The following CRTC1 variants were observed in gnomAD, a reference collection of about 807,000 sequenced individuals.
CRTC1 encodes the protein CREB regulated transcription coactivator 1.
A neutral mutation model predicts 66.1 loss-of-function variants in CRTC1; 18 were observed. That is an observed-to-expected ratio of 0.27 (90% confidence interval 0.19 to 0.40). The LOEUF is 0.40. CRTC1 is among the 10% of genes least tolerant of loss of function. The pLI is 1.00. For synonymous variants in CRTC1, 416 were observed against 398.8 expected (o/e 1.04, Z -0.51); for missense variants, 669 against 887.9 (o/e 0.75, Z 3.13).
intron 6 of CRTC1, among the ~76,000 whole-genome samples, chr19:18,757,225 C>T (rs1401348063): frequency 6.6e-6 from 1 of 152,132 alleles, no homozygotes; most frequent in Non-Finnish European, 1.5e-5. Flanking sequence ...TCTGGTCATG[C>T]CTGCCAAGAG....
chr19:18,699,123 C>T (rs1157710547), intron 1 of CRTC1, among the ~76,000 whole-genome samples: 2 of 152,208 alleles, frequency 1.3e-5, no homozygotes, highest in South Asian at 2.1e-4. Context: ...TCAGCAGGCT[C>T]TGGAATCTGA....
At chr19:18,740,379 C>T (rs961329002) in intron 1 of CRTC1, among the ~76,000 whole-genome samples, 21 of 152,274 alleles carry the variant, frequency 1.4e-4, no homozygotes, top group African/African-American at 3.9e-4. Flanking sequence ...CACTGCCAGC[C>T]GCAGAAGCTC....
intron 5 of CRTC1, among the ~76,000 whole-genome samples, chr19:18,752,173 G>T (rs1017310609): frequency 4.0e-5 from 6 of 150,244 alleles, no homozygotes; most frequent in Non-Finnish European, 7.4e-5. Flanking sequence ...AAGAAAGAAA[G>T]AAAAATATAC....
At chr19:18,701,818 A>C (rs1382661681) in intron 1 of CRTC1, among the ~76,000 whole-genome samples, 1 of 150,690 alleles carries the variant, frequency 6.6e-6, no homozygotes, top group Non-Finnish European at 1.5e-5. Context: ...GGGTTTCACC[A>C]TGTTGGTCGG....
intron 1 of CRTC1, among the ~76,000 whole-genome samples, chr19:18,690,452 C>T (rs1427921772): frequency 1.3e-5 from 2 of 152,120 alleles, no homozygotes; most frequent in East Asian, 3.9e-4. Context: ...CTGAGCTGCT[C>T]CCTGAACAAA....
At chr19:18,766,836 C>T (rs193214542) in intron 9 of CRTC1, among the ~76,000 whole-genome samples, 7 of 152,302 alleles carry the variant, frequency 4.6e-5, no homozygotes, top group Admixed American at 4.6e-4. Context: ...CTCTTTTTTA[C>T]CTAATCAATG....
chr19:18,773,569 T>A (rs1333298319), intron 11 of CRTC1, among the ~76,000 whole-genome samples: 1 of 151,988 alleles, frequency 6.6e-6, no homozygotes, highest in Non-Finnish European at 1.5e-5. Context: ...TCAGACCAGC[T>A]CTACGACAGC....
At chr19:18,755,543 C>G (rs2054464409) in intron 6 of CRTC1, among the ~76,000 whole-genome samples, 1 of 151,740 alleles carries the variant, frequency 6.6e-6, no homozygotes, top group African/African-American at 2.4e-5. Flanking sequence ...GATCCTCCTG[C>G]CTCAGCCTCC....
intron 5 of CRTC1, among the ~76,000 whole-genome samples, chr19:18,752,664 A>T (rs1361884613): frequency 1.3e-5 from 2 of 148,228 alleles, no homozygotes; most frequent in Non-Finnish European, 3.0e-5. Context: ...TTTTTGAAAC[A>T]GAGTTTCACT....
At position 18,765,609 on chromosome 19, in the gene CRTC1, G is replaced by C. The variant is rs565490637; in HGVS notation, c.1011+81G>C. 1.0e-5 allele frequency: 14 copies of C among 1,382,526 alleles called. No homozygotes were observed. The East Asian group carries it at 2.7e-4, about 26-fold the overall frequency. 85.6% of individuals were successfully genotyped at this position (1,382,526 alleles called of 1,614,324 possible). The stretch of plus-strand genomic sequence containing the variant: ...GGCTCTACCTCTTAGAAGGCCTCCT[G>C]TTCCTTCCAGGAGGCCACAAAACCT... On this transcript the variant is annotated intron_variant, in intron 9 of 13. Coordinates refer to ENST00000321949, the MANE Select transcript of CRTC1 (RefSeq NM_015321.3).
At chr19:18,774,826 G>A in intron 11 of CRTC1, 74 bp from the exon 12 acceptor site, 1 of 1,441,614 alleles carries the variant, frequency 6.9e-7, no homozygotes, top group Admixed American at 1.7e-5. Context: ...TTGTCTTCCA[G>A]CCGGGCTTGG....
intron 6 of CRTC1, among the ~76,000 whole-genome samples, chr19:18,756,818 G>A (rs1381497547): frequency 1.3e-5 from 2 of 152,156 alleles, no homozygotes; most frequent in Non-Finnish European, 2.9e-5. Flanking sequence ...ATACTGCTCA[G>A]AAATCCATTA....
chr19:18,744,253 C>T lies in CRTC1; in HGVS notation c.243+1227C>T, dbSNP rs148153617. The T allele has an allele frequency of 5.8e-3, 7,082 of 1,217,908 alleles. 26 individuals carry two copies. Among genetic ancestry groups the T allele is most frequent in the Non-Finnish European group, 7.5e-3 (6,527 of 873,300 alleles). The allele number at this position is 1,217,908 out of a possible 1,614,324, so 75.4% of individuals were successfully genotyped here. A position where few individuals can be genotyped will look rare whatever the true frequency, so the allele number is the denominator to read the frequency against. ...GCTGGGGATCCCTGAGCTCCCCAAG[C>T]GGCCGCCCCTGCGGCTCCCAGGGAG... On this transcript the variant is annotated intron_variant, in intron 2 of 13. Transcript: ENST00000321949.
intron 3 of CRTC1, among the ~76,000 whole-genome samples, chr19:18,746,228 T>G (rs1007615697): frequency 1.3e-5 from 2 of 152,062 alleles, no homozygotes; most frequent in Non-Finnish European, 2.9e-5. Context: ...AGGAAGGTTA[T>G]ACCTGACCAC....
intron 1 of CRTC1, among the ~76,000 whole-genome samples, chr19:18,716,145 G>A (rs535332197): frequency 6.6e-6 from 1 of 152,130 alleles, no homozygotes; most frequent in African/African-American, 2.4e-5. Flanking sequence ...GGACCCTGTA[G>A]TGAGTGCAGC....
intron 5 of CRTC1, among the ~76,000 whole-genome samples, chr19:18,751,641 G>A (rs913573532): frequency 3.9e-5 from 6 of 152,178 alleles, no homozygotes; most frequent in Non-Finnish European, 8.8e-5. Flanking sequence ...CATCCATCCC[G>A]TCGCTCAGAC....
At chr19:18,772,502 C>T (rs1157071851) in intron 11 of CRTC1, among the ~76,000 whole-genome samples, 1 of 152,190 alleles carries the variant, frequency 6.6e-6, no homozygotes, top group Non-Finnish European at 1.5e-5. Flanking sequence ...CCATCCCTGT[C>T]CCCTGTAGAG....
chr19:18,765,350 T>A, intron 8 of CRTC1, 54 bp from the exon 9 acceptor site: 2 of 1,567,958 alleles, frequency 1.3e-6, no homozygotes, highest in South Asian at 1.2e-5. Flanking sequence ...TAAGCAGCCC[T>A]TTCTCAGTGA....
rs536501685 is a variant in CRTC1 at position 18,711,869 on chromosome 19, C to T, written c.126+28041C>T. 1.1e-4 allele frequency among the ~76,000 whole-genome samples: 17 copies of T among 152,356 alleles called. No homozygotes were observed. In the South Asian group the frequency reaches 3.5e-3, roughly 32 times the overall value. On this transcript the variant is annotated intron_variant, in intron 1 of 13. Coordinates refer to ENST00000321949, the MANE Select transcript of CRTC1 (RefSeq NM_015321.3). ...TTGGGCCCCTCCACCCACCCCCACACTGCCAGAACCTTGGGTATACTTTTT... is the reference window on the plus strand; with the variant it reads ...TTGGGCCCCTCCACCCACCCCCACATTGCCAGAACCTTGGGTATACTTTTT...
Sources: gnomAD v4.1 joint callset for allele counts (sites outside exome capture counted in the v4.1 genomes callset) on GRCh38, gnomAD v4.1.1 for gene constraint, MANE v1.5 for transcripts, NCBI Gene and HGNC (gene_info 2026-07-23, HGNC 2026-07-21) for gene names.